Variants in GALR2 observed in about 807,000 individuals in gnomAD.
The protein encoded by GALR2 is galanin receptor 2, also known as galanin receptor type 2.
A neutral mutation model predicts 7.2 loss-of-function variants in GALR2; 5 were observed. The observed-to-expected ratio is 0.69, with a 90% confidence interval of 0.36 to 1.45. The LOEUF is 1.45. Among genes scored for constraint, GALR2 ranks in the 40% most tolerant of loss-of-function variants. The pLI is 0.03. For missense variants in GALR2, 561 were observed against 555.7 expected, an observed-to-expected ratio of 1.01 and a Z score of -0.10; for synonymous variants, 300 against 263.9, an observed-to-expected ratio of 1.14 and a Z score of -1.32.
At position 76,077,366 on chromosome 17, in the gene GALR2, T is replaced by C; in HGVS notation, c.1099T>C (p.Cys367Arg). The change falls in exon 2 of 2, where the codon TGT becomes CGT. Residue 367 changes from cysteine (C) to arginine (R), a missense_variant. Physicochemically the swap from Cys to Arg is radical, Grantham distance 180 (BLOSUM62 -3). Coordinates refer to ENST00000329003, the MANE Select transcript of GALR2 (RefSeq NM_003857.4). ...GASQPCILEP[C>R]PGPSWQGPKA... is the part of the protein sequence containing the mutation. ...TTCCCAGCCATGCATCCTCGAGCCC[T>C]GTCCTGGCCCGTCCTGGCAGGGCCC... The C allele has an allele frequency of 6.6e-7, 1 of 1,512,880 alleles. No homozygotes were observed. The highest frequency in any genetic ancestry group is 8.8e-7 in the Non-Finnish European group (1 of 1,137,172). The allele number at this position is 1,512,880 out of a possible 1,614,324, so 93.7% of individuals were successfully genotyped here. A position where few individuals can be genotyped will look rare whatever the true frequency, so the allele number is the denominator to read the frequency against.
At chr17:76,073,846 A>T (rs1476608484), upstream of GALR2, among the ~76,000 whole-genome samples, 1 of 151,816 alleles carries the variant, frequency 6.6e-6, no homozygotes, top group African/African-American at 2.4e-5. Flanking sequence ...TTCAATGGGT[A>T]AGAGAAGGGA....
chr17:76,074,738 C>T (rs550446158), upstream of GALR2: 260 of 859,372 alleles, frequency 3.0e-4, 1 homozygote, highest in African/African-American at 4.0e-3. This position sits in a 1 kb window ranked among gnomAD's most constrained non-coding sequence, Gnocchi z 6.7. Context: ...CACCCCCATC[C>T]CCGCCCCAGA....
At chr17:76,072,428 T>TGCCACC (rs2066861755), upstream of GALR2, 4 of 1,585,616 alleles carry the variant, frequency 2.5e-6, no homozygotes, top group African/African-American at 1.4e-5. The surrounding 1 kb of genome is among the most constrained non-coding windows in gnomAD (Gnocchi z 4.5). Context: ...CCGCCGCCAC[T>TGCCACC]GCCACCGCCG....
rs2066881998 is a variant in GALR2 at position 76,075,087 on chromosome 17, C to A, written c.204C>A (p.Gly68=). The A allele has an allele frequency of 1.2e-6, 2 of 1,612,126 alleles. No homozygotes were observed. Among genetic ancestry groups the A allele is most frequent in the Admixed American group, 1.7e-5 (1 of 60,026 alleles). ...STTNLFILNL[G]VADLCFILCC... is the part of the protein sequence containing the mutation. ...CCAACCTGTTCATCCTTAACCTGGGCGTGGCCGACCTGTGTTTCATCCTGT... is the reference window on the plus strand; with the variant it reads ...CCAACCTGTTCATCCTTAACCTGGGAGTGGCCGACCTGTGTTTCATCCTGT... The change falls in exon 1 of 2, where the codon GGC becomes GGA. Residue 68 remains glycine, a synonymous_variant. Transcript: ENST00000329003. This position sits in a 1 kb window ranked among gnomAD's most constrained non-coding sequence, Gnocchi z 5.9.
rs935922603 is a variant in GALR2 at position 76,076,014 on chromosome 17, G to A, written c.369-622G>A. 6.6e-6 allele frequency among the ~76,000 whole-genome samples: 1 copy of A among 152,144 alleles called. No homozygotes were observed. Reference sequence around the variant, plus strand: ...TGAAAGGACACTGGGATGGTTCCTGGGGAGGAAATCCGGGTATTTCCCCTC... The same window carrying A: ...TGAAAGGACACTGGGATGGTTCCTGAGGAGGAAATCCGGGTATTTCCCCTC... On this transcript the variant is annotated intron_variant, in intron 1 of 1. Coordinates refer to ENST00000329003, the MANE Select transcript of GALR2 (RefSeq NM_003857.4). This position sits in a 1 kb window ranked among gnomAD's most constrained non-coding sequence, Gnocchi z 6.5.
chr17:76,077,208 C>T lies in GALR2; in HGVS notation c.941C>T (p.Ala314Val). ...ATCTGCGCGGGCCTGCTGGGCCGTG[C>T]CCCAGGCCGAGCCTCGGGCCGTGTG... is the stretch of plus-strand genomic sequence containing the variant. ...RTICAGLLGR[A>V]PGRASGRVCA... Residue 314 changes from alanine (A) to valine (V), a missense_variant, in exon 2 of 2, where the codon GCC becomes GTC. Physicochemically the swap from Ala to Val is moderately conservative, Grantham distance 64 (BLOSUM62 0). Transcript: ENST00000329003. 3.1e-6 allele frequency: 5 copies of T among 1,608,540 alleles called. No homozygotes were observed. The highest frequency in any genetic ancestry group is 1.3e-5 in the African/African-American group (1 of 74,954).
At position 76,077,058 on chromosome 17, in the gene GALR2, T is replaced by C. The variant is rs1598276208; in HGVS notation, c.791T>C (p.Phe264Ser). The C allele has an allele frequency of 6.2e-7, 1 of 1,613,048 alleles. No individual in the cohort carries two copies. Among genetic ancestry groups the C allele is most frequent in the African/African-American group, 1.3e-5 (1 of 75,064 alleles). ...ATCCTCTGCGTGTGGTTCGGCCAGT[T>C]CCCGCTCACGCGCGCCACTTATGCG... Reference protein sequence around the residue: ...ALILCVWFGQFPLTRATYALR... With the variant: ...ALILCVWFGQSPLTRATYALR... Residue 264 changes from phenylalanine (F) to serine (S), a missense_variant, in exon 2 of 2, where the codon TTC becomes TCC. By Grantham distance (155) the Phe-to-Ser change is radical. Transcript: ENST00000329003.
In GALR2 at chr17:76,076,560, C is replaced by G. The variant is rs571233652; in HGVS notation, c.369-76C>G. On this transcript the variant is annotated intron_variant, in intron 1 of 1. Coordinates refer to ENST00000329003, the MANE Select transcript of GALR2 (RefSeq NM_003857.4). This position sits in a 1 kb window ranked among gnomAD's most constrained non-coding sequence, Gnocchi z 6.5. ...CCTTCCTCGAGAGCAGCCTTGGGAC[C>G]GAGGTGCAGGGGTCGCGGCCCTCCA... The G allele has an allele frequency of 1.1e-6, 1 of 933,894 alleles. No homozygotes were observed. Among genetic ancestry groups the G allele is most frequent in the South Asian group, 1.6e-5 (1 of 64,172 alleles). The allele number at this position is 933,894 out of a possible 1,614,324, so 57.9% of individuals were successfully genotyped here. A position where few individuals can be genotyped will look rare whatever the true frequency, so the allele number is the denominator to read the frequency against.
upstream of GALR2, chr17:76,072,150 C>G: frequency 1.4e-6 from 2 of 1,400,918 alleles, no homozygotes; most frequent in Non-Finnish European, 1.9e-6. This position sits in a 1 kb window ranked among gnomAD's most constrained non-coding sequence, Gnocchi z 4.5. Flanking sequence ...AGAGACAGAC[C>G]CCCCCCGGAA....
At position 76,076,782 on chromosome 17, in the gene GALR2, T is replaced by C; in HGVS notation, c.515T>C (p.Leu172Pro). 2 of 1,606,212 alleles carry C rather than the reference T, an allele frequency of 1.2e-6. No individual in the cohort carries two copies. Among genetic ancestry groups the C allele is most frequent in the South Asian group, 2.2e-5 (2 of 91,074 alleles). The change falls in exon 2 of 2, where the codon CTG (leucine) becomes CCG (proline). Residue 172 changes from leucine to proline, a missense_variant. Transcript: ENST00000329003. The surrounding 1 kb of genome is among the most constrained non-coding windows in gnomAD (Gnocchi z 6.5). The part of the protein sequence containing the change: ...SYYRQSQLAN[L>P]TVCHPAWSAP... ...TACCGCCAGTCGCAGCTGGCCAACC[T>C]GACCGTGTGCCATCCCGCGTGGAGC...
Position 76,076,596 on chromosome 17 carries a change from G to A in GALR2, c.369-40G>A, listed in dbSNP as rs2066889462. 1 of 1,415,498 alleles carries A rather than the reference G, an allele frequency of 7.1e-7. No individual in the cohort carries two copies. The highest frequency in any genetic ancestry group is 2.3e-5 in the East Asian group (1 of 43,676). 87.7% of individuals were successfully genotyped at this position (1,415,498 alleles called of 1,614,324 possible). Reference sequence around the variant, plus strand: ...GGTCGCGGCCCTCCAGCATGAATGTGCCCGCTCAGCCGACGTCTCCCTTCC... The same window carrying A: ...GGTCGCGGCCCTCCAGCATGAATGTACCCGCTCAGCCGACGTCTCCCTTCC... On this transcript the variant is annotated intron_variant, in intron 1 of 1. Coordinates refer to ENST00000329003, the MANE Select transcript of GALR2 (RefSeq NM_003857.4). The surrounding 1 kb of genome is among the most constrained non-coding windows in gnomAD (Gnocchi z 6.5).
rs762310484 is a variant in GALR2 at position 76,075,043 on chromosome 17, G to A, written c.160G>A (p.Gly54Ser). The change falls in exon 1 of 2, where the codon GGC becomes AGC. Residue 54 changes from glycine to serine, a missense_variant. Physicochemically the swap from Gly to Ser is moderately conservative, Grantham distance 56. Transcript: ENST00000329003. The surrounding 1 kb of genome is among the most constrained non-coding windows in gnomAD (Gnocchi z 5.9). Reference protein sequence around the residue: ...TLVLAVLLRGGQAVSTTNLFI... With the variant: ...TLVLAVLLRGSQAVSTTNLFI... ...GGTGCTGGCGGTGCTGCTGCGCGGC[G>A]GCCAGGCGGTCAGCACTACCAACCT... 6.2e-7 allele frequency: 1 copy of A among 1,611,074 alleles called. No homozygotes were observed. The highest frequency in any genetic ancestry group is 1.7e-5 in the Admixed American group (1 of 60,026).
In GALR2 at chr17:76,074,811, G is replaced by A. The variant is rs1207122368; in HGVS notation, c.-73G>A. 4 of 1,417,438 alleles carry A rather than the reference G, an allele frequency of 2.8e-6. No individual in the cohort carries two copies. Among genetic ancestry groups the A allele is most frequent in the Non-Finnish European group, 3.7e-6 (4 of 1,085,322 alleles). 87.8% of individuals were successfully genotyped at this position (1,417,438 alleles called of 1,614,324 possible). A position where few individuals can be genotyped will look rare whatever the true frequency, so the allele number is the denominator to read the frequency against. On this transcript the variant is annotated 5_prime_UTR_variant, in exon 1 of 2. Coordinates refer to ENST00000329003, the MANE Select transcript of GALR2 (RefSeq NM_003857.4). This position sits in a 1 kb window ranked among gnomAD's most constrained non-coding sequence, Gnocchi z 6.7. The stretch of plus-strand genomic sequence containing the variant: ...CGCACTAGGAGTTGCAGCGGCCGCA[G>A]CCCCGGGAGCTTCCCGCTCGCGGAG...
chr17:76,072,830 G>A (rs1344895683), upstream of GALR2, among the ~76,000 whole-genome samples: 1 of 152,242 alleles, frequency 6.6e-6, no homozygotes, highest in Non-Finnish European at 1.5e-5. This position sits in a 1 kb window ranked among gnomAD's most constrained non-coding sequence, Gnocchi z 4.5. Context: ...TTCACGTCCT[G>A]CCCAGCAGAA....
chr17:76,074,586 G>A (rs760917120), upstream of GALR2, among the ~76,000 whole-genome samples: 11 of 152,220 alleles, frequency 7.2e-5, no homozygotes, highest in Non-Finnish European at 1.2e-4. This position sits in a 1 kb window ranked among gnomAD's most constrained non-coding sequence, Gnocchi z 6.7. Context: ...GCTGGAGCTC[G>A]GAAGCAGGTA....
rs544189944 is a variant in GALR2, at chr17:76,076,475, G to T, written c.369-161G>T. Reference sequence around the variant, plus strand: ...GACACGCTGGGAGGCCCCCACCTCCGCCCTCACGCCGAGCCTCACCCCCAC... The same window carrying T: ...GACACGCTGGGAGGCCCCCACCTCCTCCCTCACGCCGAGCCTCACCCCCAC... On this transcript the variant is annotated intron_variant, in intron 1 of 1. Transcript: ENST00000329003. The surrounding 1 kb of genome is among the most constrained non-coding windows in gnomAD (Gnocchi z 6.5). 1.3e-5 allele frequency among the ~76,000 whole-genome samples: 2 copies of T among 152,138 alleles called. No individual in the cohort carries two copies. Among genetic ancestry groups the T allele is most frequent in the Non-Finnish European group, 2.9e-5 (2 of 68,022 alleles).
chr17:76,074,927 CG>C lies in GALR2; in HGVS notation c.47del (p.Gly16AlafsTer146). 1 of 1,552,342 alleles carries C rather than the reference CG, an allele frequency of 6.4e-7. No homozygotes were observed. Among genetic ancestry groups the C allele is most frequent in the Non-Finnish European group, 8.6e-7 (1 of 1,156,224 alleles). On this transcript the variant is annotated frameshift_variant, in exon 1 of 2. Transcript: ENST00000329003. LOFTEE classifies it high-confidence loss of function. The surrounding 1 kb of genome is among the most constrained non-coding windows in gnomAD (Gnocchi z 6.7). ...GCPGAGNASQAGGGGGWHPEA... is the reference protein window; with the variant it reads ...GCPGAGNASQXGGGGGWHPEA... ...CCAGGGGCCGGGAACGCGAGCCAGG[CG>C]GGCGGCGGGGGAGGCTGGCACCCCG...
In GALR2 at chr17:76,074,908, G is replaced by A; in HGVS notation, c.25G>A (p.Ala9Thr). The A allele has an allele frequency of 6.5e-7, 1 of 1,538,462 alleles. No homozygotes were observed. Residue 9 changes from alanine to threonine, a missense_variant, in exon 1 of 2, where the codon GCC becomes ACC. Transcript: ENST00000329003. This position sits in a 1 kb window ranked among gnomAD's most constrained non-coding sequence, Gnocchi z 6.7. ...CATGAACGTCTCGGGCTGCCCAGGG[G>A]CCGGGAACGCGAGCCAGGCGGGCGG... MNVSGCPG[A>T]GNASQAGGGG...
chr17:76,077,362 GCCCTGTCCTGGCCCGTCCTGGCAGGGC>G lies in GALR2; in HGVS notation c.1098_1124del (p.Cys367_Pro375del), dbSNP rs1240233152. The G allele has an allele frequency of 6.5e-7, 1 of 1,528,448 alleles. No homozygotes were observed. The highest frequency in any genetic ancestry group is 2.0e-5 in the Admixed American group (1 of 50,760). 94.7% of individuals were successfully genotyped at this position (1,528,448 alleles called of 1,614,324 possible). On this transcript the variant is annotated inframe_deletion, in exon 2 of 2. Transcript: ENST00000329003. ...GCGCTTCCCAGCCATGCATCCTCGA[GCCCTGTCCTGGCCCGTCCTGGCAGGGC>G]CCAAAGGCAGGCGACAGCATCCTGA...
Sources: allele counts gnomAD v4.1 joint callset (sites outside exome capture counted in the v4.1 genomes callset), GRCh38; gene constraint gnomAD v4.1.1; non-coding constraint Gnocchi (gnomAD v3.1); transcripts MANE v1.5; gene names NCBI Gene and HGNC (gene_info 2026-07-23, HGNC 2026-07-21).